The following MTO1 variants were observed in gnomAD, a reference collection of about 807,000 sequenced individuals.
MTO1 encodes the protein 5-taurinomethyluridine-[tRNA] synthase subunit MTO1, mitochondrial.
A neutral mutation model predicts 71.6 loss-of-function variants in MTO1; 46 were observed. The ratio of observed to expected loss-of-function variants is 0.64; its 90% CI spans 0.51 to 0.82. MTO1 has a LOEUF of 0.82. Among genes scored for constraint, MTO1 ranks in the 40% least tolerant of loss-of-function variants. The pLI, the probability that MTO1 is intolerant of heterozygous loss-of-function variation, is 0.00. For missense variants in MTO1, 773 were observed against 867.5 expected (o/e 0.89, Z 1.37); for synonymous variants, 297 against 312.1 (o/e 0.95, Z 0.51).
At chr6:73,490,154 A>T (rs1450546856) in intron 9 of MTO1, among the ~76,000 whole-genome samples, 1 of 151,904 alleles carries the variant, frequency 6.6e-6, no homozygotes, top group Non-Finnish European at 1.5e-5. Context: ...TTTTCTTGTA[A>T]ATTTGTTTAA....
chr6:73,466,140 T>C (rs747125578), intron 1 of MTO1, 69 bp from the exon 2 acceptor site: 2 of 1,310,692 alleles, frequency 1.5e-6, no homozygotes, highest in Non-Finnish European at 2.2e-6. Context: ...GTATAAATGT[T>C]TCCTTATTAA....
chr6:73,461,798 A>C lies in MTO1; in HGVS notation c.-57A>C. 6.4e-7 allele frequency: 1 copy of C among 1,563,550 alleles called. No homozygotes were observed. Among genetic ancestry groups the C allele is most frequent in the South Asian group, 1.1e-5 (1 of 87,838 alleles). The stretch of plus-strand genomic sequence containing the variant: ...CCTGCAGATTGTCTCTTGTTGCGTA[A>C]GTTTTTTTGACCGTCACTCGTGTCA... On this transcript the variant is annotated 5_prime_UTR_variant, in exon 1 of 12. It removes the in-frame stop codon of an upstream open reading frame in the 5' UTR. Transcript: ENST00000498286.
chr6:73,498,552 G>A (rs572910023), intron 11 of MTO1, among the ~76,000 whole-genome samples: 55 of 151,748 alleles, frequency 3.6e-4, no homozygotes, highest in Middle Eastern at 3.4e-3. Flanking sequence ...CCCCCACCAC[G>A]TGCTTCAGAC....
chr6:73,482,975 G>T (rs1017166570), intron 9 of MTO1, among the ~76,000 whole-genome samples: 1 of 151,430 alleles, frequency 6.6e-6, no homozygotes, highest in Non-Finnish European at 1.5e-5. Context: ...GTATTTTTTA[G>T]TAGAGATGGG....
chr6:73,466,445 G>T, intron 2 of MTO1, 37 bp downstream of exon 2: 1 of 1,613,208 alleles, frequency 6.2e-7, no homozygotes, highest in South Asian at 1.1e-5. Flanking sequence ...AGATTATAGT[G>T]ATTGTTTAAT....
intron 10 of MTO1, among the ~76,000 whole-genome samples, chr6:73,493,574 A>G (rs1771890708): frequency 6.7e-6 from 1 of 150,174 alleles, no homozygotes; most frequent in Non-Finnish European, 1.5e-5. Flanking sequence ...TATTTTTAGT[A>G]GAGACAGGGT....
At position 73,492,308 on chromosome 6, in the gene MTO1, A is replaced by G; in HGVS notation, c.1712A>G (p.Lys571Arg). The change falls in exon 10 of 12, where the codon AAG (lysine) becomes AGG (arginine). Residue 571 changes from lysine to arginine, a missense_variant. By Grantham distance (26) the Lys-to-Arg change is conservative. Transcript: ENST00000498286. ...LAKAVPEPLK[K>R]YTKCRELAER... The stretch of plus-strand genomic sequence containing the variant: ...AAGGCTGTTCCAGAGCCCTTGAAGA[A>G]GTATACTAAATGTAGAGAGCTGGCT... 6.2e-7 allele frequency: 1 copy of G among 1,613,808 alleles called. No homozygotes were observed. Among genetic ancestry groups the G allele is most frequent in the South Asian group, 1.1e-5 (1 of 91,080 alleles).
intron 3 of MTO1, among the ~76,000 whole-genome samples, chr6:73,470,827 C>T (rs536942772): frequency 6.6e-6 from 1 of 152,294 alleles, no homozygotes; most frequent in Non-Finnish European, 1.5e-5. Flanking sequence ...ATGGCTCACG[C>T]CTGTAGTCCC....
intron 10 of MTO1, among the ~76,000 whole-genome samples, chr6:73,496,441 A>G (rs1306135174): frequency 6.6e-6 from 1 of 151,968 alleles, no homozygotes; most frequent in Admixed American, 6.6e-5. Context: ...ATAGCTCTAT[A>G]TGAAGATAAT....
chr6:73,491,103 G>T (rs1039574335), intron 9 of MTO1, among the ~76,000 whole-genome samples: 4 of 152,122 alleles, frequency 2.6e-5, no homozygotes, highest in African/African-American at 7.2e-5. Flanking sequence ...TTTAGTAATT[G>T]TCCCTGCTAT....
chr6:73,500,438 G>T, intron 11 of MTO1, 136 bp from the exon 12 acceptor site: 1 of 659,162 alleles, frequency 1.5e-6, no homozygotes. Context: ...AAGGAAATAT[G>T]TTAAGATAAT....
chr6:73,502,357 T>C lies in MTO1; in HGVS notation c.*1622T>C, dbSNP rs1237807832. On this transcript the variant is annotated 3_prime_UTR_variant, in exon 12 of 12. Transcript: ENST00000498286. ...TACTCAGGAGGCTGAGGCAGGAGAA[T>C]CGCTTGAACCCAGGAGGCAGAGGTT... 6.6e-6 allele frequency: 1 copy of C among 151,984 alleles called. No homozygotes were observed. The highest frequency in any genetic ancestry group is 1.5e-5 in the Non-Finnish European group (1 of 68,036). 9.4% of individuals were successfully genotyped at this position (151,984 alleles called of 1,614,324 possible). A position where few individuals can be genotyped will look rare whatever the true frequency, so the allele number is the denominator to read the frequency against.
chr6:73,470,882 G>A (rs918021018), intron 3 of MTO1, among the ~76,000 whole-genome samples: 1 of 152,158 alleles, frequency 6.6e-6, no homozygotes, highest in Non-Finnish European at 1.5e-5. Context: ...GAACCTGGGA[G>A]ATGGAGGTTG....
intron 11 of MTO1, among the ~76,000 whole-genome samples, chr6:73,498,209 T>C (rs899241118): frequency 2.6e-5 from 4 of 151,226 alleles, no homozygotes; most frequent in Non-Finnish European, 5.9e-5. Context: ...AGACCCTGTC[T>C]CAAAAAAAAA....
intron 1 of MTO1, among the ~76,000 whole-genome samples, chr6:73,463,801 C>A (rs534889114): frequency 1.3e-5 from 2 of 151,954 alleles, no homozygotes; most frequent in Non-Finnish European, 2.9e-5. Context: ...AATGCAGTGG[C>A]GCGATCTTGG....
chr6:73,469,357 G>C (rs1187240886), intron 3 of MTO1, among the ~76,000 whole-genome samples: 1 of 152,072 alleles, frequency 6.6e-6, no homozygotes, highest in Non-Finnish European at 1.5e-5. Flanking sequence ...GGGCATGGTG[G>C]CTCACGCCTG....
chr6:73,496,625 A>ACCCCCTC (rs1385638495), intron 10 of MTO1, among the ~76,000 whole-genome samples: 4 of 104,924 alleles, frequency 3.8e-5, no homozygotes, highest in Admixed American at 1.0e-4. Context: ...TGCTATCCCT[A>ACCCCCTC]CCCCCTCCCC....
intron 9 of MTO1, among the ~76,000 whole-genome samples, chr6:73,485,886 A>G (rs983111248): frequency 4.9e-4 from 75 of 152,350 alleles, no homozygotes; most frequent in African/African-American, 1.7e-3. Flanking sequence ...CTGAACAGGC[A>G]TTTAACAGAA....
At chr6:73,476,470 G>A (rs1045924136) in intron 4 of MTO1, among the ~76,000 whole-genome samples, 2 of 150,014 alleles carry the variant, frequency 1.3e-5, no homozygotes, top group Admixed American at 6.6e-5. Context: ...AAGCAACATC[G>A]AGAAAAAGTT....
Sources: allele counts gnomAD v4.1 joint callset (sites outside exome capture counted in the v4.1 genomes callset), GRCh38; gene constraint gnomAD v4.1.1; transcripts MANE v1.5; gene names NCBI Gene and HGNC (gene_info 2026-07-23, HGNC 2026-07-21).